PLEKHO2: variants seen among roughly 807,000 people sequenced by gnomAD.
PLEKHO2 encodes pleckstrin homology domain containing O2.
A neutral mutation model predicts 32.7 loss-of-function variants in PLEKHO2; 20 were observed. The ratio of observed to expected loss-of-function variants is 0.61; its 90% CI spans 0.43 to 0.89. The LOEUF (loss-of-function observed/expected upper bound fraction) is 0.89, where lower values mean the gene tolerates loss of function less well. Among genes scored for constraint, PLEKHO2 ranks in the 40% least tolerant of loss-of-function variants. PLEKHO2 has a pLI of 0.00. For synonymous variants in PLEKHO2, 247 were observed against 246.3 expected (o/e 1.00, Z -0.03); for missense variants, 568 against 621.2 (o/e 0.91, Z 0.91).
At chr15:64,854,515 C>G (rs1285454537) in intron 2 of PLEKHO2, among the ~76,000 whole-genome samples, 1 of 152,222 alleles carries the variant, frequency 6.6e-6, no homozygotes, top group African/African-American at 2.4e-5. Context: ...TCCCCCGTCC[C>G]CATCCCACTC....
chr15:64,855,832 G>A (rs1349703705), intron 3 of PLEKHO2, among the ~76,000 whole-genome samples: 1 of 152,200 alleles, frequency 6.6e-6, no homozygotes, highest in Non-Finnish European at 1.5e-5. Flanking sequence ...GCAGAATAGG[G>A]CTGAGTCACA....
chr15:64,842,655 G>C (rs1885992529), intron 1 of PLEKHO2, among the ~76,000 whole-genome samples: 1 of 152,156 alleles, frequency 6.6e-6, no homozygotes, highest in South Asian at 2.1e-4. Context: ...TGAGCAGCTA[G>C]CTGTAGGGAA....
chr15:64,848,469 G>A, intron 1 of PLEKHO2, 124 bp from the exon 2 acceptor site: 2 of 1,091,762 alleles, frequency 1.8e-6, no homozygotes, highest in Admixed American at 2.4e-5. Context: ...TTGTGGGGAA[G>A]CTCACATATT....
intron 5 of PLEKHO2, among the ~76,000 whole-genome samples, chr15:64,863,273 G>T (rs2084655608): frequency 6.6e-6 from 1 of 152,156 alleles, no homozygotes; most frequent in Non-Finnish European, 1.5e-5. Flanking sequence ...ATTTAGGGCT[G>T]TCCCGGGGTG....
In PLEKHO2 at chr15:64,867,130, C is replaced by T. The variant is rs1723963843; in HGVS notation, c.*1242C>T. 1 of 152,530 alleles carries T rather than the reference C, an allele frequency of 6.6e-6. No homozygotes were observed. Among genetic ancestry groups the T allele is most frequent in the African/African-American group, 2.4e-5 (1 of 41,384 alleles). The allele number at this position is 152,530 out of a possible 1,614,324, so 9.4% of individuals were successfully genotyped here. A position where few individuals can be genotyped will look rare whatever the true frequency, so the allele number is the denominator to read the frequency against. The stretch of plus-strand genomic sequence containing the variant: ...AGAGGCCCTGGCTCCCGAGGTCCAG[C>T]CACTCTCCCTGGGGCCTCTGGGGTG... On this transcript the variant is annotated 3_prime_UTR_variant, in exon 6 of 6. Coordinates refer to ENST00000323544, the MANE Select transcript of PLEKHO2 (RefSeq NM_025201.5).
At position 64,866,430 on chromosome 15, in the gene PLEKHO2, T is replaced by C. The variant is rs1208903271; in HGVS notation, c.*542T>C. 2 of 455,790 alleles carry C rather than the reference T, an allele frequency of 4.4e-6. No individual in the cohort carries two copies. The highest frequency in any genetic ancestry group is 4.4e-6 in the Non-Finnish European group (1 of 226,774). The allele number at this position is 455,790 out of a possible 1,614,324, so 28.2% of individuals were successfully genotyped here. A position where few individuals can be genotyped will look rare whatever the true frequency, so the allele number is the denominator to read the frequency against. On this transcript the variant is annotated 3_prime_UTR_variant, in exon 6 of 6. Transcript: ENST00000323544. ...TCCAGGCTCTAGGTTCATCCCTCAG[T>C]TGGGGGGAACGTAGGACCCAGCTGG...
chr15:64,865,944 C>A lies in PLEKHO2; in HGVS notation c.*56C>A. ...TGGCCATCCATCAAGTCCATCAAGG[C>A]CCAGCCCTGCTGAGAAATGTGCTTC... On this transcript the variant is annotated 3_prime_UTR_variant, in exon 6 of 6. Transcript: ENST00000323544. 1 of 1,540,352 alleles carries A rather than the reference C, an allele frequency of 6.5e-7. No homozygotes were observed. The highest frequency in any genetic ancestry group is 8.7e-7 in the Non-Finnish European group (1 of 1,148,394).
chr15:64,850,320 G>A (rs373114127), intron 2 of PLEKHO2, among the ~76,000 whole-genome samples: 48 of 152,308 alleles, frequency 3.2e-4, no homozygotes, highest in African/African-American at 1.1e-3. Flanking sequence ...TGACTGTTCA[G>A]CATCTCCCAG....
intron 5 of PLEKHO2, 82 bp from the exon 6 acceptor site, chr15:64,864,817 G>T: frequency 6.8e-7 from 1 of 1,470,682 alleles, no homozygotes; most frequent in South Asian, 1.3e-5. Context: ...GATGGGAGAG[G>T]GTAAGAACTC....
chr15:64,844,550 C>T lies in PLEKHO2; in HGVS notation c.12+2522C>T, dbSNP rs145732510. Among the ~76,000 whole-genome samples the T allele has an allele frequency of 8.6e-3, 1,313 of 152,310 alleles. 13 individuals carry two copies. The highest frequency in any genetic ancestry group is 0.011 in the Non-Finnish European group (768 of 68,028). On this transcript the variant is annotated intron_variant, in intron 1 of 5. Coordinates refer to ENST00000323544, the MANE Select transcript of PLEKHO2 (RefSeq NM_025201.5). The stretch of plus-strand genomic sequence containing the variant: ...CCTCTGCCAGCAGTCATGCCTTTCC[C>T]TGGCTTCTAGGCTCTCCACTTGCCC...
intron 2 of PLEKHO2, among the ~76,000 whole-genome samples, chr15:64,849,065 G>T (rs985931810): frequency 3.9e-5 from 3 of 75,974 alleles, no homozygotes; most frequent in Non-Finnish European, 7.0e-5. Flanking sequence ...AACCTCCGCC[G>T]CCTGGTTCAA....
chr15:64,843,893 T>C (rs2084504202), intron 1 of PLEKHO2, among the ~76,000 whole-genome samples: 1 of 152,128 alleles, frequency 6.6e-6, no homozygotes, highest in Admixed American at 6.5e-5. Flanking sequence ...ATTGCCACTT[T>C]CTGACTCCTA....
chr15:64,866,263 T>G lies in PLEKHO2; in HGVS notation c.*375T>G. On this transcript the variant is annotated 3_prime_UTR_variant, in exon 6 of 6. Coordinates refer to ENST00000323544, the MANE Select transcript of PLEKHO2 (RefSeq NM_025201.5). The stretch of plus-strand genomic sequence containing the variant: ...TGTTCCCCATCCCCAGTAGTTTACA[T>G]TCCTGACTTCTGAATACAGCACAGC... The G allele has an allele frequency of 2.2e-6, 1 of 456,030 alleles. No individual in the cohort carries two copies. The allele number at this position is 456,030 out of a possible 1,614,324, so 28.2% of individuals were successfully genotyped here.
intron 1 of PLEKHO2, among the ~76,000 whole-genome samples, chr15:64,845,811 A>C (rs2084517697): frequency 6.6e-6 from 1 of 152,160 alleles, no homozygotes; most frequent in Admixed American, 6.5e-5. Flanking sequence ...GAAAGTTTTC[A>C]GGAGAGGTCA....
At position 64,841,965 on chromosome 15, in the gene PLEKHO2, C is replaced by T. The variant is rs945607238; in HGVS notation, c.-52C>T. 14 of 1,244,930 alleles carry T rather than the reference C, an allele frequency of 1.1e-5. No homozygotes were observed. Among genetic ancestry groups the T allele is most frequent in the Non-Finnish European group, 1.3e-5 (13 of 994,664 alleles). 77.1% of individuals were successfully genotyped at this position (1,244,930 alleles called of 1,614,324 possible). A position where few individuals can be genotyped will look rare whatever the true frequency, so the allele number is the denominator to read the frequency against. Reference sequence around the variant, plus strand: ...CGGGCGTAGACGCGGTGGCAGAGCCCGCGCGGCGCTGGAAGCGAGTGGCGG... The same window carrying T: ...CGGGCGTAGACGCGGTGGCAGAGCCTGCGCGGCGCTGGAAGCGAGTGGCGG... On this transcript the variant is annotated 5_prime_UTR_variant, in exon 1 of 6. Transcript: ENST00000323544.
intron 1 of PLEKHO2, among the ~76,000 whole-genome samples, chr15:64,843,822 C>T (rs1040430038): frequency 1.3e-5 from 2 of 152,048 alleles, no homozygotes; most frequent in African/African-American, 2.4e-5. Context: ...TCAGGTGATC[C>T]GCCTGCCTCG....
At chr15:64,849,234 TG>T (rs994263117) in intron 2 of PLEKHO2, among the ~76,000 whole-genome samples, 6 of 151,274 alleles carry the variant, frequency 4.0e-5, no homozygotes, top group African/African-American at 1.5e-4. Flanking sequence ...CTCCATCTCC[TG>T]GGTCCTGGTT....
At chr15:64,848,860 G>A in intron 2 of PLEKHO2, 118 bp downstream of exon 2, 1 of 1,302,500 alleles carries the variant, frequency 7.7e-7, no homozygotes, top group Non-Finnish European at 1.1e-6. Flanking sequence ...CTTTTGCCAT[G>A]CTGTGCAACC....
At chr15:64,850,450 G>A (rs180896091) in intron 2 of PLEKHO2, among the ~76,000 whole-genome samples, 10 of 152,242 alleles carry the variant, frequency 6.6e-5, no homozygotes, top group Admixed American at 5.2e-4. Flanking sequence ...AATATTCTCC[G>A]CTTTCTTCAA....
Sources: allele counts gnomAD v4.1 joint callset (sites outside exome capture counted in the v4.1 genomes callset), GRCh38; gene constraint gnomAD v4.1.1; transcripts MANE v1.5; gene names NCBI Gene and HGNC (gene_info 2026-07-23, HGNC 2026-07-21).